The following CNTNAP5 variants were observed in gnomAD, a reference collection of about 807,000 sequenced individuals.
CNTNAP5 encodes contactin associated protein family member 5.
Under a neutral mutation model 150.2 loss-of-function variants are expected in CNTNAP5, and 72 were observed. The observed-to-expected ratio is 0.48, with a 90% CI of 0.40 to 0.58. The LOEUF (loss-of-function observed/expected upper bound fraction) is 0.58. Ranked by LOEUF, CNTNAP5 falls within the 20% of genes least tolerant of loss-of-function variation. The pLI is 0.00. For missense variants in CNTNAP5, 1,636 were observed against 1,626.2 expected (o/e 1.01, Z -0.10); for synonymous variants, 672 against 619.8 (o/e 1.08, Z -1.25).
intron 2 of CNTNAP5, among the ~76,000 whole-genome samples, chr2:124,241,456 C>T (rs1410587579): frequency 2.0e-5 from 3 of 152,094 alleles, no homozygotes; most frequent in South Asian, 2.1e-4. Flanking sequence ...CTGCACTTGC[C>T]TCAGGTTTCA....
chr2:124,200,971 G>A (rs1685714094), intron 1 of CNTNAP5, among the ~76,000 whole-genome samples: 2 of 152,204 alleles, frequency 1.3e-5, no homozygotes, highest in Non-Finnish European at 2.9e-5. Context: ...CAGCCCAAGT[G>A]ATGTCAATAT....
chr2:124,308,383 T>C (rs764263720), intron 3 of CNTNAP5, among the ~76,000 whole-genome samples: 4 of 152,308 alleles, frequency 2.6e-5, no homozygotes, highest in African/African-American at 9.6e-5. Flanking sequence ...ACTAAATTTA[T>C]TCAATTTTCT....
chr2:124,053,592 G>A lies in CNTNAP5; in HGVS notation c.82+27860G>A, dbSNP rs556941796. ...TCTGAGTCTCTATTTCTTCAGCTGA[G>A]AAAACCATGGCAATAACGTATGTCA... On this transcript the variant is annotated intron_variant, in intron 1 of 23. Transcript: ENST00000682447. Among the ~76,000 whole-genome samples the A allele has an allele frequency of 2.8e-3, 428 of 152,292 alleles. 1 individual carries two copies. The highest frequency in any genetic ancestry group is 4.9e-3 in the Non-Finnish European group (330 of 68,022).
intron 3 of CNTNAP5, among the ~76,000 whole-genome samples, chr2:124,374,489 T>C (rs561509754): frequency 2.6e-5 from 4 of 152,256 alleles, no homozygotes; most frequent in African/African-American, 7.2e-5. Context: ...AATCATACTC[T>C]GTTCAAAATT....
chr2:124,786,288 G>A (rs1456214583), intron 17 of CNTNAP5, among the ~76,000 whole-genome samples: 1 of 147,636 alleles, frequency 6.8e-6, no homozygotes, highest in African/African-American at 2.5e-5. Flanking sequence ...AGGCAGGCAG[G>A]AAGGAAGAAA....
intron 12 of CNTNAP5, among the ~76,000 whole-genome samples, chr2:124,622,384 G>T (rs1378187892): frequency 1.3e-5 from 2 of 152,046 alleles, no homozygotes; most frequent in East Asian, 1.9e-4. Flanking sequence ...TGGGCATTTA[G>T]GTTGATTCCA....
At position 124,747,334 on chromosome 2, in the gene CNTNAP5, G is replaced by A. The variant is rs1463103843; in HGVS notation, c.2183G>A (p.Ser728Asn). The A allele has an allele frequency of 1.2e-6, 2 of 1,613,708 alleles. No homozygotes were observed. Among genetic ancestry groups the A allele is most frequent in the Admixed American group, 1.7e-5 (1 of 60,002 alleles). The change falls in exon 14 of 24, where the codon AGC becomes AAC. Residue 728 changes from serine (S) to asparagine (N), a missense_variant. By Grantham distance (46) the Ser-to-Asn change is conservative (BLOSUM62 1). Transcript: ENST00000682447. ...VQQCECGLDESCLDIQHFCNC... is the reference protein window; with the variant it reads ...VQQCECGLDENCLDIQHFCNC... ...CAGTGTGAGTGTGGCCTAGACGAGA[G>A]CTGCCTGGACATTCAGCACTTTTGC...
At chr2:124,213,697 T>G (rs1478181178) in intron 1 of CNTNAP5, among the ~76,000 whole-genome samples, 1 of 151,942 alleles carries the variant, frequency 6.6e-6, no homozygotes, top group African/African-American at 2.4e-5. Flanking sequence ...AGCATGAAAG[T>G]GAAAAGAATA....
At chr2:124,778,298 A>T (rs1681371393) in intron 17 of CNTNAP5, among the ~76,000 whole-genome samples, 2 of 152,150 alleles carry the variant, frequency 1.3e-5, no homozygotes, top group African/African-American at 4.8e-5. Context: ...GAAGCAGATG[A>T]CTCAGAGGAG....
intron 1 of CNTNAP5, among the ~76,000 whole-genome samples, chr2:124,184,608 A>C (rs1266427886): frequency 6.6e-6 from 1 of 152,218 alleles, no homozygotes; most frequent in Non-Finnish European, 1.5e-5. Context: ...ACAAGGCAGA[A>C]AGGCCGATTC....
intron 13 of CNTNAP5, among the ~76,000 whole-genome samples, chr2:124,722,049 A>G (rs1485714653): frequency 6.6e-6 from 1 of 151,954 alleles, no homozygotes; most frequent in Non-Finnish European, 1.5e-5. Context: ...GCCCCACATA[A>G]ACAGTCCTGT....
At chr2:124,531,162 C>T (rs1360369373) in intron 10 of CNTNAP5, among the ~76,000 whole-genome samples, 1 of 152,000 alleles carries the variant, frequency 6.6e-6, no homozygotes, top group African/African-American at 2.4e-5. Context: ...ATTAGATTCT[C>T]ATAAGGAGTG....
chr2:124,147,720 T>C (rs1434794014), intron 1 of CNTNAP5, among the ~76,000 whole-genome samples: 1 of 152,210 alleles, frequency 6.6e-6, no homozygotes, highest in Non-Finnish European at 1.5e-5. Flanking sequence ...GGGAGCCTCC[T>C]GTCACCAAGA....
chr2:124,772,669 T>G, intron 16 of CNTNAP5, 130 bp from the exon 17 acceptor site: 1 of 668,226 alleles, frequency 1.5e-6, no homozygotes. Flanking sequence ...GTGATTTCAG[T>G]GCTGCAGGGA....
chr2:124,046,924 C>T (rs1681554240), intron 1 of CNTNAP5, among the ~76,000 whole-genome samples: 1 of 152,080 alleles, frequency 6.6e-6, no homozygotes, highest in Non-Finnish European at 1.5e-5. Context: ...AAAACATGGC[C>T]TTGAATGGCC....
chr2:124,858,986 A>G (rs902126005), intron 19 of CNTNAP5, among the ~76,000 whole-genome samples: 3 of 152,176 alleles, frequency 2.0e-5, no homozygotes, highest in African/African-American at 7.2e-5. Context: ...ACCATTCAGG[A>G]CATAGGCATG....
chr2:124,226,158 A>G (rs992815661), intron 2 of CNTNAP5, among the ~76,000 whole-genome samples: 1 of 151,278 alleles, frequency 6.6e-6, no homozygotes, highest in Non-Finnish European at 1.5e-5. Context: ...ATTTTATGGT[A>G]GTTTCTTTTT....
intron 21 of CNTNAP5, among the ~76,000 whole-genome samples, chr2:124,873,800 C>T (rs1341380416): frequency 3.3e-5 from 5 of 152,150 alleles, no homozygotes. Flanking sequence ...AAATCAAACA[C>T]TAGAAAGCAT....
intron 14 of CNTNAP5, among the ~76,000 whole-genome samples, chr2:124,761,893 T>C (rs1680962583): frequency 6.6e-6 from 1 of 152,060 alleles, no homozygotes; most frequent in African/African-American, 2.4e-5. Flanking sequence ...ACATCAAACT[T>C]TTGTGGAAAA....
Sources: allele counts gnomAD v4.1 joint callset (sites outside exome capture counted in the v4.1 genomes callset), GRCh38; gene constraint gnomAD v4.1.1; transcripts MANE v1.5; gene names NCBI Gene and HGNC (gene_info 2026-07-23, HGNC 2026-07-21).